The following OGN variants were observed in gnomAD, a reference collection of about 807,000 sequenced individuals.
The protein encoded by OGN is osteoglycin, also known as mimecan.
In OGN, 19 loss-of-function variants were observed where a neutral mutation model predicts 30.8. The ratio of observed to expected loss-of-function variants is 0.62; its 90% CI spans 0.43 to 0.90. The LOEUF is 0.90. Ranked by LOEUF, OGN falls within the 40% of genes least tolerant of loss-of-function variation. The pLI, the probability that OGN is intolerant of heterozygous loss-of-function variation, is 0.00. For missense variants in OGN, 283 were observed against 349.7 expected, an observed-to-expected ratio of 0.81 and a Z score of 1.52; for synonymous variants, 126 against 128.3, an observed-to-expected ratio of 0.98 and a Z score of 0.12.
chr9:92,393,032 T>C, intron 4 of OGN, 54 bp downstream of exon 4: 1 of 1,442,592 alleles, frequency 6.9e-7, no homozygotes, highest in Admixed American at 1.9e-5. Context: ...TGTGTTTATA[T>C]GAGTTAAATA....
intron 2 of OGN, among the ~76,000 whole-genome samples, 164 bp from the exon 3 acceptor site, chr9:92,401,349 A>G (rs1380499874): frequency 6.6e-6 from 1 of 152,192 alleles, no homozygotes; most frequent in Non-Finnish European, 1.5e-5. Context: ...TTAAATTACA[A>G]TAAGTATTTT....
At chr9:92,388,923 C>T (rs1588084196) in intron 5 of OGN, among the ~76,000 whole-genome samples, 1 of 151,554 alleles carries the variant, frequency 6.6e-6, no homozygotes, top group Admixed American at 6.6e-5. Flanking sequence ...ATCAGATGAG[C>T]TCTGATGTAA....
At chr9:92,392,634 GAAAAA>G (rs148375786) in intron 4 of OGN, among the ~76,000 whole-genome samples, 2 of 143,510 alleles carry the variant, frequency 1.4e-5, no homozygotes, top group South Asian at 4.4e-4. Flanking sequence ...GGAGGGGGGA[GAAAAA>G]AAAAACACTT....
chr9:92,398,733 A>G (rs1430278345), intron 3 of OGN, among the ~76,000 whole-genome samples: 1 of 152,060 alleles, frequency 6.6e-6, no homozygotes, highest in African/African-American at 2.4e-5. Context: ...TGCTTTAGTG[A>G]TTTTGCATTT....
At chr9:92,397,421 A>C (rs1842934813) in intron 3 of OGN, among the ~76,000 whole-genome samples, 1 of 152,014 alleles carries the variant, frequency 6.6e-6, no homozygotes, top group African/African-American at 2.4e-5. Context: ...CTGCCTCCTG[A>C]GTCCAAGTGA....
In OGN at chr9:92,386,233, A is replaced by C; in HGVS notation, c.694T>G (p.Leu232Val). The change falls in exon 6 of 7, where the codon TTA becomes GTA. Residue 232 changes from leucine (L) to valine (V), a missense_variant. Transcript: ENST00000375561. The stretch of plus-strand genomic sequence containing the variant: ...TGAATTACACGTAGACTTTCTGGTA[A>C]ATTAAGAGGCACGGATTCCAGGGCA... ...HNALESVPLN[L>V]PESLRVIHLQ... The C allele has an allele frequency of 6.2e-7, 1 of 1,613,298 alleles. No individual in the cohort carries two copies. The highest frequency in any genetic ancestry group is 1.3e-5 in the African/African-American group (1 of 75,028).
intron 3 of OGN, among the ~76,000 whole-genome samples, chr9:92,400,183 C>A (rs1413764595): frequency 6.6e-6 from 1 of 152,098 alleles, no homozygotes; most frequent in African/African-American, 2.4e-5. Context: ...CAGAGTCTTG[C>A]TCTGCCGCCT....
rs866499339 is a variant in OGN, at chr9:92,393,367, A to T, written c.269-123T>A. The T allele has an allele frequency of 1.4e-5, 10 of 716,460 alleles. No individual in the cohort carries two copies. The African/African-American group carries it at 1.4e-4, about 10-fold the overall frequency. 44.4% of individuals were successfully genotyped at this position (716,460 alleles called of 1,614,324 possible). ...TTGAAGAGATGTTTTACAGAATCAT[A>T]AGAAAGATAGTCATGGTAACTCGTT... On this transcript the variant is annotated intron_variant, in intron 3 of 6. Coordinates refer to ENST00000375561, the MANE Select transcript of OGN (RefSeq NM_014057.5).
At chr9:92,393,370 A>T in intron 3 of OGN, 126 bp from the exon 4 acceptor site, 1 of 691,440 alleles carries the variant, frequency 1.4e-6, no homozygotes, top group Non-Finnish European at 2.3e-6. Context: ...GAATCATAAG[A>T]AAGATAGTCA....
chr9:92,390,094 A>C, intron 4 of OGN, 38 bp from the exon 5 acceptor site: 1 of 1,218,556 alleles, frequency 8.2e-7, no homozygotes, highest in Non-Finnish European at 1.2e-6. Flanking sequence ...CTACGTAAGT[A>C]AAATTCTTAT....
At chr9:92,392,389 C>T (rs915843065) in intron 4 of OGN, among the ~76,000 whole-genome samples, 5 of 152,002 alleles carry the variant, frequency 3.3e-5, no homozygotes, top group Non-Finnish European at 5.9e-5. Context: ...TTTGGGAGGC[C>T]GAGGCGGGCG....
Position 92,389,846 on chromosome 9 carries a change from ATACT to A in OGN, c.630+4_630+7del, listed in dbSNP as rs1564292520. On this transcript the variant is annotated splice_donor_5th_base_variant and intron_variant, in intron 5 of 6. Transcript: ENST00000375561. ...ATACTATGCTTAGTTTTACTATAAA[ATACT>A]TACTTTGAATGCATTTGCTTTGATT... 1.9e-6 allele frequency: 3 copies of A among 1,578,128 alleles called. No homozygotes were observed. Among genetic ancestry groups the A allele is most frequent in the African/African-American group, 1.3e-5 (1 of 74,210 alleles).
chr9:92,401,191 G>A lies in OGN; in HGVS notation c.175-6C>T. 5.2e-6 allele frequency: 7 copies of A among 1,349,360 alleles called. No homozygotes were observed. Among genetic ancestry groups the A allele is most frequent in the Non-Finnish European group, 7.4e-6 (7 of 949,084 alleles). 83.6% of individuals were successfully genotyped at this position (1,349,360 alleles called of 1,614,324 possible). On this transcript the variant is annotated splice_region_variant and splice_polypyrimidine_tract_variant and intron_variant, in intron 2 of 6. Coordinates refer to ENST00000375561, the MANE Select transcript of OGN (RefSeq NM_014057.5). ...ATTATCACAGTTTCTTTTTCCTATT[G>A]GAAAAATAAAAGTTTGTTACCTAGC... is the stretch of plus-strand genomic sequence containing the variant.
At chr9:92,397,991 A>G (rs1386674048) in intron 3 of OGN, among the ~76,000 whole-genome samples, 1 of 151,956 alleles carries the variant, frequency 6.6e-6, no homozygotes, top group East Asian at 1.9e-4. Flanking sequence ...CTAGCCTTCC[A>G]CCTTTCCGTA....
chr9:92,392,995 G>T, intron 4 of OGN, 91 bp downstream of exon 4: 1 of 990,978 alleles, frequency 1.0e-6, no homozygotes, highest in Non-Finnish European at 1.5e-6. Context: ...AAACCTGAAT[G>T]TGATAGGCAG....
chr9:92,389,884 CT>C lies in OGN; in HGVS notation c.599del (p.Lys200ArgfsTer13). On this transcript the variant is annotated frameshift_variant, in exon 5 of 7. Transcript: ENST00000375561. LOFTEE classifies it high-confidence loss of function. ...TLFNAKYNKI[K>X]SRGIKANAFK... ...ATGCATTTGCTTTGATTCCCCTACT[CT>C]TGATTTTGTTGTATTTTGCATTAAA... 6.2e-7 allele frequency: 1 copy of C among 1,612,640 alleles called. No homozygotes were observed. The highest frequency in any genetic ancestry group is 1.7e-5 in the Admixed American group (1 of 59,970).
chr9:92,399,183 A>C (rs1843009087), intron 3 of OGN, among the ~76,000 whole-genome samples: 3 of 152,078 alleles, frequency 2.0e-5, no homozygotes, highest in Admixed American at 1.3e-4. Context: ...GCCGTGTATG[A>C]GTGTCTTACC....
Position 92,403,265 on chromosome 9 carries a change from T to G in OGN, c.143A>C (p.Glu48Ala). 1 of 1,599,688 alleles carries G rather than the reference T, an allele frequency of 6.3e-7. No individual in the cohort carries two copies. The highest frequency in any genetic ancestry group is 1.1e-5 in the South Asian group (1 of 89,986). The change falls in exon 2 of 7, where the codon GAG becomes GCG. Residue 48 changes from glutamate (E) to alanine (A), a missense_variant. Glu to Ala is a moderately radical substitution (Grantham distance 107). Transcript: ENST00000375561. ...ATTTTTTCCATCCAGGTATTTATCC[T>G]CATAATCTTGGCTAAATATGGATTC... ...FEESIFSQDY[E>A]DKYLDGKNIK...
chr9:92,401,305 T>G, intron 2 of OGN, 120 bp from the exon 3 acceptor site: 1 of 559,164 alleles, frequency 1.8e-6, no homozygotes, highest in East Asian at 3.0e-5. Context: ...TGTGCTCCAT[T>G]AGGCTTTCAT....
Sources: gnomAD v4.1 joint callset for allele counts (sites outside exome capture counted in the v4.1 genomes callset) on GRCh38, gnomAD v4.1.1 for gene constraint, MANE v1.5 for transcripts, NCBI Gene and HGNC (gene_info 2026-07-23, HGNC 2026-07-21) for gene names.